The following ABCB8 variants were observed in gnomAD, a reference collection of about 807,000 sequenced individuals.
The protein encoded by ABCB8 is mitochondrial potassium channel ATP-binding subunit.
ABCB8 carries 52 observed loss-of-function variants against 73.0 expected under a neutral mutation model. That is an observed-to-expected ratio of 0.71 (90% CI 0.57 to 0.90). The LOEUF (loss-of-function observed/expected upper bound fraction) is 0.90. Among genes scored for constraint, ABCB8 ranks in the 40% least tolerant of loss-of-function variants. The pLI is 0.00. For synonymous variants in ABCB8, 428 were observed against 423.5 expected, an observed-to-expected ratio of 1.01 and a Z score of -0.13; for missense variants, 909 against 974.6, an observed-to-expected ratio of 0.93 and a Z score of 0.90.
Position 151,036,173 on chromosome 7 carries a change from G to A in ABCB8, c.1111+3G>A, listed in dbSNP as rs751063378. ...GCTTTCCAACATCGCCTTCAACTGT[G>A]AGTGAGCCATTTGGGGGCTGGAGGG... On this transcript the variant is annotated splice_donor_region_variant and intron_variant, in intron 8 of 15. Transcript: ENST00000358849. The A allele has an allele frequency of 1.9e-6, 3 of 1,601,140 alleles. No individual in the cohort carries two copies. The highest frequency in any genetic ancestry group is 1.7e-5 in the Admixed American group (1 of 59,552).
rs139277549 is a variant in ABCB8 at position 151,040,608 on chromosome 7, C to T, written c.1362C>T (p.Ser454=). 293 of 1,613,050 alleles carry T rather than the reference C, an allele frequency of 1.8e-4. No homozygotes were observed. Among genetic ancestry groups the T allele is most frequent in the African/African-American group, 1.4e-3 (103 of 75,040 alleles). The change falls in exon 11 of 16, where the codon TCC becomes TCT. Residue 454 remains serine (S), a synonymous_variant. Coordinates refer to ENST00000358849, the MANE Select transcript of ABCB8 (RefSeq NM_007188.5). ...TCCCCAAAGAGCAGCTGCGTGGCTC[C>T]GTTACATTTCAGAACGTCTGCTTCA... The part of the protein sequence containing the change: ...CCVPKEQLRG[S]VTFQNVCFSY...
At chr7:151,042,534 G>A (rs1796496381) in intron 14 of ABCB8, among the ~76,000 whole-genome samples, 1 of 152,206 alleles carries the variant, frequency 6.6e-6, no homozygotes, top group Admixed American at 6.5e-5. Flanking sequence ...TTTCCTTCCT[G>A]TGCTTTTCAT....
In ABCB8 at chr7:151,033,886, C is replaced by T. The variant is rs775074003; in HGVS notation, c.377C>T (p.Pro126Leu). ...AAGCTCTTCTGGCAGTTTCTGCACC[C>T]CCACCTGCTGGTCCTGGGGGTAGCC... The part of the protein sequence containing the change: ...NWKLFWQFLH[P>L]HLLVLGVAVV... The change falls in exon 2 of 16, where the codon CCC becomes CTC. Residue 126 changes from proline to leucine, a missense_variant. Coordinates refer to ENST00000358849, the MANE Select transcript of ABCB8 (RefSeq NM_007188.5). 3 of 1,608,140 alleles carry T rather than the reference C, an allele frequency of 1.9e-6. No individual in the cohort carries two copies. Among genetic ancestry groups the T allele is most frequent in the Admixed American group, 1.7e-5 (1 of 59,740 alleles).
rs768390043 is a variant in ABCB8 at position 151,042,060 on chromosome 7, G to C, written c.1717G>C (p.Ala573Pro). 1 of 1,613,198 alleles carries C rather than the reference G, an allele frequency of 6.2e-7. No homozygotes were observed. Among genetic ancestry groups the C allele is most frequent in the African/African-American group, 1.3e-5 (1 of 75,068 alleles). Reference protein sequence around the residue: ...EVYTAAREANAHEFITSFPEG... With the variant: ...EVYTAAREANPHEFITSFPEG... ...GTACACAGCCGCCCGGGAAGCGAAT[G>C]CTCACGAGTTCATCACCAGCTTCCC... Residue 573 changes from alanine (A) to proline (P), a missense_variant, in exon 14 of 16, where the codon GCT (alanine) becomes CCT (proline). By Grantham distance (27) the Ala-to-Pro change is conservative (BLOSUM62 -1). Coordinates refer to ENST00000358849, the MANE Select transcript of ABCB8 (RefSeq NM_007188.5).
Position 151,040,509 on chromosome 7 carries a change from G to A in ABCB8, c.1263G>A (p.Gly421=), listed in dbSNP as rs1447898053. 3.1e-6 allele frequency: 5 copies of A among 1,611,570 alleles called. No homozygotes were observed. Among genetic ancestry groups the A allele is most frequent in the Non-Finnish European group, 3.4e-6 (4 of 1,178,632 alleles). Reference sequence around the variant, plus strand: ...ATCCCCTCCCACAGGTGGTCCGGGGGCTGAGTGCAGGTGCCCGGGTCTTTG... The same window carrying A: ...ATCCCCTCCCACAGGTGGTCCGGGGACTGAGTGCAGGTGCCCGGGTCTTTG... The part of the protein sequence containing the change: ...LSVLFGQVVR[G]LSAGARVFEY... The change falls in exon 11 of 16, where the codon GGG becomes GGA. Residue 421 remains glycine, a synonymous_variant. Coordinates refer to ENST00000358849, the MANE Select transcript of ABCB8 (RefSeq NM_007188.5).
In ABCB8 at chr7:151,033,670, G is replaced by A; in HGVS notation, c.161G>A (p.Trp54Ter). Residue 54 changes from tryptophan (W) to a stop codon, truncating the protein, a stop_gained, in exon 2 of 16, where the codon TGG (tryptophan) becomes TAG (stop). Transcript: ENST00000358849. LOFTEE classifies it high-confidence loss of function. The part of the protein sequence containing the change: ...RAVAHLRSQL[W>*]AHLPRAPLAP... Reference sequence around the variant, plus strand: ...GTGGCCCACCTGCGGTCCCAGCTCTGGGCCCACCTCCCTCGAGCCCCCCTA... The same window carrying A: ...GTGGCCCACCTGCGGTCCCAGCTCTAGGCCCACCTCCCTCGAGCCCCCCTA... 1 of 1,610,842 alleles carries A rather than the reference G, an allele frequency of 6.2e-7. No individual in the cohort carries two copies. The highest frequency in any genetic ancestry group is 8.5e-7 in the Non-Finnish European group (1 of 1,178,164).
intron 14 of ABCB8, among the ~76,000 whole-genome samples, chr7:151,043,477 A>G (rs1220431939): frequency 2.7e-4 from 14 of 51,610 alleles, no homozygotes; most frequent in Admixed American, 1.2e-3. Flanking sequence ...TGCGGGGTGG[A>G]GGGTCAGAGA....
chr7:151,036,681 C>G (rs750476330), intron 9 of ABCB8, 32 bp downstream of exon 9: 2 of 1,530,154 alleles, frequency 1.3e-6, no homozygotes, highest in Admixed American at 3.7e-5. Context: ...TGCTACAGAG[C>G]CCCCTGCCGC....
intron 1 of ABCB8, chr7:151,029,005 T>C (rs1796062254): frequency 8.3e-7 from 1 of 1,210,818 alleles, no homozygotes; most frequent in Non-Finnish European, 1.1e-6. Context: ...GAAGAAGAAC[T>C]AGAGATGTTC....
At chr7:151,033,403 G>T (rs916246880) in intron 1 of ABCB8, 3 of 1,395,726 alleles carry the variant, frequency 2.1e-6, no homozygotes, top group Non-Finnish European at 2.8e-6. Flanking sequence ...TGTGCTCAGT[G>T]CCTCATTCCT....
intron 9 of ABCB8, chr7:151,040,044 C>T: frequency 1.8e-6 from 1 of 552,896 alleles, no homozygotes; most frequent in East Asian, 3.2e-5. Context: ...TTGGGCTGAG[C>T]TGAGGGACAG....
chr7:151,036,241 CA>C lies in ABCB8; in HGVS notation c.1111+74del. On this transcript the variant is annotated intron_variant, in intron 8 of 15. Transcript: ENST00000358849. ...AGGAGCTGGGAGCAGCCAAGGCAGG[CA>C]AAGGCCCTCCCTTCATCTGCTGGCT... The C allele has an allele frequency of 2.8e-6, 4 of 1,425,686 alleles. No homozygotes were observed. In the South Asian group the frequency reaches 5.2e-5, roughly 19 times the overall value. 88.3% of individuals were successfully genotyped at this position (1,425,686 alleles called of 1,614,324 possible).
chr7:151,042,731 T>C (rs577967062), intron 14 of ABCB8, among the ~76,000 whole-genome samples: 118 of 152,192 alleles, frequency 7.8e-4, no homozygotes, highest in Non-Finnish European at 1.5e-3. Flanking sequence ...CTTGGCTCTG[T>C]TGCACAGTGT....
intron 1 of ABCB8, 32 bp downstream of exon 1, chr7:151,028,642 C>T: frequency 6.3e-7 from 1 of 1,599,780 alleles, no homozygotes; most frequent in Non-Finnish European, 8.5e-7. Flanking sequence ...CAGAGCGGGC[C>T]ATTGACCGCC....
At position 151,040,892 on chromosome 7, in the gene ABCB8, A is replaced by C. The variant is rs375220193; in HGVS notation, c.1453A>C (p.Ile485Leu). ...CACCCTGACGCTGCCCCCTGGCAAG[A>C]TCGTGGCCCTCGTGGGCCAGTCTGG... is the stretch of plus-strand genomic sequence containing the variant. ...DFTLTLPPGKIVALVGQSGGG... is the reference protein window; with the variant it reads ...DFTLTLPPGKLVALVGQSGGG... The change falls in exon 12 of 16, where the codon ATC (isoleucine) becomes CTC (leucine). Residue 485 changes from isoleucine to leucine, a missense_variant. Physicochemically the swap from Ile to Leu is conservative, Grantham distance 5 (BLOSUM62 2). Transcript: ENST00000358849. 17 of 1,606,378 alleles carry C rather than the reference A, an allele frequency of 1.1e-5. No individual in the cohort carries two copies. The highest frequency in any genetic ancestry group is 1.4e-5 in the Non-Finnish European group (16 of 1,176,784).
chr7:151,036,624 C>T lies in ABCB8; in HGVS notation c.1192C>T (p.Leu398=), dbSNP rs771758887. 4.3e-6 allele frequency: 7 copies of T among 1,612,044 alleles called. No homozygotes were observed. The highest frequency in any genetic ancestry group is 5.9e-6 in the Non-Finnish European group (7 of 1,178,966). The change falls in exon 9 of 16, where the codon CTG becomes TTG. Residue 398 remains leucine (L), a synonymous_variant. Transcript: ENST00000358849. The part of the protein sequence containing the change: ...QLTGGDLMSF[L]VASQTVQRSM... ...GACAGGGGGAGACCTCATGTCCTTC[C>T]TGGTGGCCTCCCAGACAGTGCAAAG...
Position 151,036,108 on chromosome 7 carries a change from G to T in ABCB8, c.1049G>T (p.Arg350Leu). The part of the protein sequence containing the change: ...YGAELEACRC[R>L]AEELGRGIAL... ...GCAGAGCTGGAAGCCTGCCGCTGCC[G>T]GGCAGAGGAGCTGGGCCGCGGCATC... Residue 350 changes from arginine (R) to leucine (L), a missense_variant, in exon 8 of 16, where the codon CGG (arginine) becomes CTG (leucine). Physicochemically the swap from Arg to Leu is moderately radical, Grantham distance 102 (BLOSUM62 -2). Transcript: ENST00000358849. 1 of 1,613,490 alleles carries T rather than the reference G, an allele frequency of 6.2e-7. No homozygotes were observed. The highest frequency in any genetic ancestry group is 8.5e-7 in the Non-Finnish European group (1 of 1,179,984).
intron 8 of ABCB8, 151 bp downstream of exon 8, chr7:151,036,321 C>T (rs180971918): frequency 5.4e-6 from 5 of 934,316 alleles, no homozygotes; most frequent in East Asian, 2.6e-5. Flanking sequence ...GGGAGGGTGC[C>T]GATGTCCCAA....
chr7:151,033,109 G>A, intron 1 of ABCB8: 1 of 457,740 alleles, frequency 2.2e-6, no homozygotes, highest in South Asian at 1.5e-5. Context: ...ATCAAGGGAA[G>A]TAGCCCATTA....
Sources: gnomAD v4.1 joint callset for allele counts (sites outside exome capture counted in the v4.1 genomes callset) on GRCh38, gnomAD v4.1.1 for gene constraint, MANE v1.5 for transcripts, NCBI Gene and HGNC (gene_info 2026-07-23, HGNC 2026-07-21) for gene names.